The following ADAMTSL1 variants were observed in gnomAD, a reference collection of about 807,000 sequenced individuals.
ADAMTSL1 encodes ADAMTS-like protein 1.
Under a neutral mutation model 201.8 loss-of-function variants are expected in ADAMTSL1, and 126 were observed. The observed-to-expected ratio is 0.62, with a 90% CI of 0.54 to 0.72. ADAMTSL1 has a LOEUF of 0.72. ADAMTSL1 is among the 30% of genes least tolerant of loss of function. The pLI, the probability that ADAMTSL1 is intolerant of heterozygous loss-of-function variation, is 0.00. For missense variants in ADAMTSL1, 2,679 were observed against 2,277.8 expected (o/e 1.18, Z -3.59); for synonymous variants, 1,121 against 903.4 (o/e 1.24, Z -4.32).
At position 18,072,960 on chromosome 9, in the gene ADAMTSL1, C is replaced by T. The variant is rs376792266; in HGVS notation, c.88-90902C>T. On this transcript the variant is annotated intron_variant, in intron 1 of 29. Transcript: ENST00000680146. Reference sequence around the variant, plus strand: ...GGAAGGATTAAGAATTTTTATGTACCGTCCAGTTTGATGTTTGTTGCCTAT... The same window carrying T: ...GGAAGGATTAAGAATTTTTATGTACTGTCCAGTTTGATGTTTGTTGCCTAT... Among the ~76,000 whole-genome samples the T allele has an allele frequency of 1.5e-3, 224 of 152,112 alleles. 7 individuals are homozygous for T. In the South Asian group the frequency reaches 0.034, roughly 23 times the overall value.
At chr9:18,877,299 G>C (rs575851301) in intron 23 of ADAMTSL1, among the ~76,000 whole-genome samples, 2 of 152,148 alleles carry the variant, frequency 1.3e-5, no homozygotes, top group South Asian at 4.2e-4. Context: ...GTGATCTTTT[G>C]GGAGTGTTTT....
intron 2 of ADAMTSL1, among the ~76,000 whole-genome samples, chr9:18,201,626 A>G (rs72684907): frequency 0.061 from 9,238 of 152,170 alleles, 359 homozygotes; most frequent in Middle Eastern, 0.13. Flanking sequence ...AATTTAGGAG[A>G]ATACCTCAGG....
chr9:18,347,503 G>C (rs959832124), intron 2 of ADAMTSL1, among the ~76,000 whole-genome samples: 1 of 152,086 alleles, frequency 6.6e-6, no homozygotes, highest in African/African-American at 2.4e-5. Flanking sequence ...TATACACATA[G>C]GAGCAAAACC....
chr9:18,103,183 C>T (rs1258558800), intron 1 of ADAMTSL1, among the ~76,000 whole-genome samples: 2 of 152,004 alleles, frequency 1.3e-5, no homozygotes, highest in East Asian at 3.9e-4. Flanking sequence ...AATTAGATTG[C>T]AGAATGTTAG....
intron 2 of ADAMTSL1, among the ~76,000 whole-genome samples, chr9:18,361,777 A>C (rs1320688805): frequency 6.6e-6 from 1 of 152,172 alleles, no homozygotes; most frequent in Non-Finnish European, 1.5e-5. Flanking sequence ...TTAGTGAATA[A>C]AGGATTGGCC....
At chr9:18,166,938 G>A (rs1456826225) in intron 2 of ADAMTSL1, among the ~76,000 whole-genome samples, 2 of 151,844 alleles carry the variant, frequency 1.3e-5, no homozygotes, top group Admixed American at 1.3e-4. Context: ...ATTAACTTTT[G>A]CATTGCGTTA....
At chr9:18,607,831 G>A (rs554930320) in intron 4 of ADAMTSL1, among the ~76,000 whole-genome samples, 1 of 151,456 alleles carries the variant, frequency 6.6e-6, no homozygotes, top group South Asian at 2.1e-4. Flanking sequence ...TGCGGTGTTC[G>A]GTTTTTTGTC....
intron 1 of ADAMTSL1, among the ~76,000 whole-genome samples, chr9:18,029,604 A>G (rs1457487719): frequency 1.3e-5 from 2 of 152,244 alleles, no homozygotes; most frequent in Non-Finnish European, 2.9e-5. Flanking sequence ...ATCAGAGTGA[A>G]CAGGCAACCT....
intron 2 of ADAMTSL1, among the ~76,000 whole-genome samples, chr9:18,371,862 T>G (rs1837055910): frequency 6.6e-6 from 1 of 152,172 alleles, no homozygotes; most frequent in Admixed American, 6.5e-5. Flanking sequence ...AAACGAAGTT[T>G]CTTCCCTACA....
At chr9:18,609,393 C>T (rs1825237519) in intron 4 of ADAMTSL1, among the ~76,000 whole-genome samples, 1 of 127,178 alleles carries the variant, frequency 7.9e-6, no homozygotes, top group Non-Finnish European at 1.8e-5. Context: ...ACCATGCTTG[C>T]TGGTATTCCA....
chr9:18,021,172 G>A (rs968724261), intron 1 of ADAMTSL1, among the ~76,000 whole-genome samples: 1 of 152,128 alleles, frequency 6.6e-6, no homozygotes, highest in African/African-American at 2.4e-5. Context: ...TTGTGAGACT[G>A]GGCTCTAGGT....
Position 18,314,258 on chromosome 9 carries a change from A to AT in ADAMTSL1, c.207+150277_207+150278insT, listed in dbSNP as rs1834272734. 2.0e-5 allele frequency among the ~76,000 whole-genome samples: 3 copies of AT among 152,338 alleles called. No individual in the cohort carries two copies. In the South Asian group the frequency reaches 6.3e-4, roughly 32 times the overall value. ...GAAGGGAATGTAAATTAGTTCAGCCAATATGGAAAACAGTATGAAGATTCT... is the reference window on the plus strand; with the variant it reads ...GAAGGGAATGTAAATTAGTTCAGCCATATATGGAAAACAGTATGAAGATTCT... On this transcript the variant is annotated intron_variant, in intron 2 of 29. Coordinates refer to the ADAMTSL1 transcript ENST00000680146.
intron 23 of ADAMTSL1, among the ~76,000 whole-genome samples, chr9:18,846,477 A>G (rs1470197649): frequency 6.6e-6 from 1 of 152,198 alleles, no homozygotes; most frequent in East Asian, 1.9e-4. Context: ...GGTCAGAGGT[A>G]AGGGGGAGTG....
chr9:18,589,240 C>T (rs1823751785), intron 4 of ADAMTSL1, among the ~76,000 whole-genome samples: 1 of 151,938 alleles, frequency 6.6e-6, no homozygotes, highest in South Asian at 2.1e-4. Context: ...TTTTGGTGGC[C>T]TCTTCAATTT....
At chr9:17,981,834 G>A (rs968877938) in intron 1 of ADAMTSL1, among the ~76,000 whole-genome samples, 1 of 152,126 alleles carries the variant, frequency 6.6e-6, no homozygotes, top group African/African-American at 2.4e-5. Context: ...GAGGTGGGGT[G>A]AAAAAAGTGC....
chr9:18,737,553 C>G (rs944005429), intron 15 of ADAMTSL1, among the ~76,000 whole-genome samples: 1 of 152,096 alleles, frequency 6.6e-6, no homozygotes, highest in African/African-American at 2.4e-5. Context: ...CACTATTAGT[C>G]CTATCGATAC....
chr9:18,523,575 G>A (rs963322407), intron 2 of ADAMTSL1, among the ~76,000 whole-genome samples: 3 of 151,932 alleles, frequency 2.0e-5, no homozygotes, highest in African/African-American at 4.8e-5. Flanking sequence ...ATGGTTTTAG[G>A]TCTAACGTTG....
intron 2 of ADAMTSL1, among the ~76,000 whole-genome samples, chr9:18,215,156 TTA>T (rs1318291307): frequency 7.2e-5 from 11 of 152,190 alleles, no homozygotes; most frequent in African/African-American, 2.7e-4. Context: ...TCATTTATGA[TTA>T]TGTTATATTT....
intron 1 of ADAMTSL1, among the ~76,000 whole-genome samples, chr9:17,917,425 G>A (rs764002497): frequency 1.3e-5 from 2 of 151,984 alleles, no homozygotes; most frequent in Non-Finnish European, 2.9e-5. Context: ...GTTTTTATCA[G>A]AAATGGATTT....
Sources: allele counts gnomAD v4.1 joint callset (sites outside exome capture counted in the v4.1 genomes callset), GRCh38; gene constraint gnomAD v4.1.1; transcripts MANE v1.5; gene names NCBI Gene and HGNC (gene_info 2026-07-23, HGNC 2026-07-21).